Variants in FAM219B observed in about 807,000 individuals in gnomAD.
FAM219B encodes family with sequence similarity 219 member B, also known as protein FAM219B.
Under a neutral mutation model 19.9 loss-of-function variants are expected in FAM219B, and 18 were observed. The observed-to-expected ratio is 0.91, with a 90% CI of 0.63 to 1.34. The LOEUF is 1.34. Ranked by LOEUF, FAM219B falls within the 40% of genes most tolerant of loss-of-function variation. FAM219B has a pLI of 0.00. For synonymous variants in FAM219B, 123 were observed against 117.5 expected (o/e 1.05, Z -0.30); for missense variants, 283 against 270.5 (o/e 1.05, Z -0.32).
At chr15:74,905,005 T>C in intron 3 of FAM219B, 149 bp downstream of exon 3, 1 of 1,547,600 alleles carries the variant, frequency 6.5e-7, no homozygotes, top group Non-Finnish European at 8.7e-7. Flanking sequence ...AACCAAGCCA[T>C]CCTGGGAAGG....
rs2064898710 is a variant in FAM219B at position 74,900,270 on chromosome 15, C to G, written c.*2349G>C. ...CTCACTGCACTGTCCCACCAGGTCC[C>G]TCCAGCTTTTTCTACAAGGTAACAC... On this transcript the variant is annotated 3_prime_UTR_variant, in exon 5 of 5. Transcript: ENST00000357635. 6.6e-6 allele frequency: 1 copy of G among 152,330 alleles called. No homozygotes were observed. Among genetic ancestry groups the G allele is most frequent in the Admixed American group, 6.5e-5 (1 of 15,278 alleles). 9.4% of individuals were successfully genotyped at this position (152,330 alleles called of 1,614,324 possible). A position where few individuals can be genotyped will look rare whatever the true frequency, so the allele number is the denominator to read the frequency against.
intron 2 of FAM219B, 137 bp downstream of exon 2, chr15:74,906,141 T>G (rs2065177821): frequency 1.2e-6 from 1 of 827,716 alleles, no homozygotes; most frequent in South Asian, 1.7e-5. Flanking sequence ...CTCTTCCCAT[T>G]TTAAAGATAG....
Position 74,902,459 on chromosome 15 carries a change from G to A in FAM219B, c.*160C>T. ...ATTCTACCTATCAGCCCACAGCCCA[G>A]ATGGGGGCCTCTGGCCTGAGAAGCA... On this transcript the variant is annotated 3_prime_UTR_variant, in exon 5 of 5. Coordinates refer to ENST00000357635, the MANE Select transcript of FAM219B (RefSeq NM_020447.5). The A allele has an allele frequency of 1.7e-6, 1 of 582,274 alleles. No homozygotes were observed. 36.1% of individuals were successfully genotyped at this position (582,274 alleles called of 1,614,324 possible).
At chr15:74,903,769 GGA>G (rs1318411629) in intron 4 of FAM219B, among the ~76,000 whole-genome samples, 1 of 152,126 alleles carries the variant, frequency 6.6e-6, no homozygotes, top group East Asian at 1.9e-4. Flanking sequence ...AAGATTTCCA[GGA>G]GAGTAAGAAA....
At position 74,901,780 on chromosome 15, in the gene FAM219B, A is replaced by T. The variant is rs2064969205; in HGVS notation, c.*839T>A. 1 of 249,834 alleles carries T rather than the reference A, an allele frequency of 4.0e-6. No homozygotes were observed. Among genetic ancestry groups the T allele is most frequent in the Non-Finnish European group, 7.5e-6 (1 of 132,722 alleles). The allele number at this position is 249,834 out of a possible 1,614,324, so 15.5% of individuals were successfully genotyped here. A position where few individuals can be genotyped will look rare whatever the true frequency, so the allele number is the denominator to read the frequency against. ...TGTAGCTCCCTCTGCTGGTAATAAT[A>T]AAAACTGCAGGCTTCTGGGGCCAGC... On this transcript the variant is annotated 3_prime_UTR_variant, in exon 5 of 5. Transcript: ENST00000357635.
At chr15:74,904,518 G>A in intron 4 of FAM219B, 146 bp downstream of exon 4, 3 of 955,508 alleles carry the variant, frequency 3.1e-6, no homozygotes, top group South Asian at 2.8e-5. Context: ...ACCTCCACCG[G>A]GGGAAGAGGG....
chr15:74,906,462 C>T (rs1053679024), intron 1 of FAM219B, 97 bp from the exon 2 acceptor site: 1 of 1,535,930 alleles, frequency 6.5e-7, no homozygotes, highest in African/African-American at 1.4e-5. Context: ...TTTTGAGGGG[C>T]GAGAGCAGGC....
In FAM219B at chr15:74,902,453, A is replaced by G. The variant is rs2064999951; in HGVS notation, c.*166T>C. 5.6e-6 allele frequency: 3 copies of G among 535,808 alleles called. No individual in the cohort carries two copies. Among genetic ancestry groups the G allele is most frequent in the Non-Finnish European group, 9.0e-6 (3 of 334,872 alleles). 33.2% of individuals were successfully genotyped at this position (535,808 alleles called of 1,614,324 possible). The stretch of plus-strand genomic sequence containing the variant: ...TACAGAATTCTACCTATCAGCCCAC[A>G]GCCCAGATGGGGGCCTCTGGCCTGA... On this transcript the variant is annotated 3_prime_UTR_variant, in exon 5 of 5. Transcript: ENST00000357635.
chr15:74,906,285 C>G lies in FAM219B; in HGVS notation c.295G>C (p.Gly99Arg), dbSNP rs749991755. The G allele has an allele frequency of 6.8e-6, 11 of 1,613,360 alleles. No homozygotes were observed. The South Asian group carries it at 1.2e-4, about 18-fold the overall frequency. The change falls in exon 2 of 5, where the codon GGG (glycine) becomes CGG (arginine). Residue 99 changes from glycine (G) to arginine (R), a missense_variant. By Grantham distance (125) the Gly-to-Arg change is moderately radical. Transcript: ENST00000357635. ...GGTGGCGCCTGCTGAGACCTTTTCCCTGAAGAGTCTGGGCGGTTCGGCGAG... is the reference window on the plus strand; with the variant it reads ...GGTGGCGCCTGCTGAGACCTTTTCCGTGAAGAGTCTGGGCGGTTCGGCGAG... Reference protein sequence around the residue: ...GASPNRPDSSGKRSVKFNKGY... With the variant: ...GASPNRPDSSRKRSVKFNKGY...
chr15:74,898,043 A>C, downstream of FAM219B: 1 of 429,034 alleles, frequency 2.3e-6, no homozygotes, highest in Non-Finnish European at 4.4e-6. Flanking sequence ...GCTGTTAAAT[A>C]TGTGACCCAG....
Position 74,902,753 on chromosome 15 carries a change from G to C in FAM219B, c.463C>G (p.Gln155Glu), listed in dbSNP as rs2065015712. 6.2e-7 allele frequency: 1 copy of C among 1,611,514 alleles called. No individual in the cohort carries two copies. The highest frequency in any genetic ancestry group is 8.5e-7 in the Non-Finnish European group (1 of 1,178,770). Residue 155 changes from glutamine to glutamate, a missense_variant, in exon 5 of 5, where the codon CAG becomes GAG. By Grantham distance (29) the Gln-to-Glu change is conservative. Transcript: ENST00000357635. ...VNQDVSRQLL[Q>E]DGYHLDEIPD... ...ATCTCATCCAGGTGATACCCATCCT[G>C]AAGCAGCTGCCGGCTCACATCCTGG...
chr15:74,905,036 G>C, intron 3 of FAM219B, 118 bp downstream of exon 3: 2 of 1,571,444 alleles, frequency 1.3e-6, no homozygotes, highest in Non-Finnish European at 8.6e-7. Flanking sequence ...AGAAGAGAAC[G>C]GCCCTGGAAT....
rs749991755 is a variant in FAM219B at position 74,906,285 on chromosome 15, C to T, written c.295G>A (p.Gly99Arg). Residue 99 changes from glycine (G) to arginine (R), a missense_variant, in exon 2 of 5, where the codon GGG (glycine) becomes AGG (arginine). Physicochemically the swap from Gly to Arg is moderately radical, Grantham distance 125 (BLOSUM62 -2). Transcript: ENST00000357635. ...GGTGGCGCCTGCTGAGACCTTTTCC[C>T]TGAAGAGTCTGGGCGGTTCGGCGAG... ...GASPNRPDSS[G>R]KRSVKFNKGY... is the part of the protein sequence containing the mutation. 18 of 1,613,360 alleles carry T rather than the reference C, an allele frequency of 1.1e-5. No homozygotes were observed. The highest frequency in any genetic ancestry group is 1.4e-5 in the Non-Finnish European group (17 of 1,179,918).
intron 3 of FAM219B, chr15:74,904,932 G>C (rs551409871): frequency 1.4e-5 from 21 of 1,517,574 alleles, no homozygotes; most frequent in Non-Finnish European, 1.8e-5. Context: ...TAACAGGGCA[G>C]GATGATCCCC....
At chr15:74,903,008 C>G (rs757602126) in intron 4 of FAM219B, among the ~76,000 whole-genome samples, 12 of 152,124 alleles carry the variant, frequency 7.9e-5, no homozygotes, top group Non-Finnish European at 1.5e-4. Flanking sequence ...GTCACTGACC[C>G]CCAGGGATCT....
At chr15:74,906,050 C>G in intron 2 of FAM219B, 1 of 548,142 alleles carries the variant, frequency 1.8e-6, no homozygotes, top group South Asian at 2.2e-5. Context: ...AGTGAATGAG[C>G]CTGTGCACTC....
At chr15:74,904,058 C>T (rs1355725081) in intron 4 of FAM219B, among the ~76,000 whole-genome samples, 1 of 152,124 alleles carries the variant, frequency 6.6e-6, no homozygotes, top group East Asian at 1.9e-4. Flanking sequence ...TGCTGTGTGA[C>T]ACTGGAAAGC....
Position 74,902,721 on chromosome 15 carries a change from A to G in FAM219B, c.495T>C (p.Asp165=), listed in dbSNP as rs1343372376. The change falls in exon 5 of 5, where the codon GAT becomes GAC. Residue 165 remains aspartate, a synonymous_variant. Transcript: ENST00000357635. ...QDGYHLDEIP[D]DEDLDLIPPK... is the part of the protein sequence containing the mutation. The stretch of plus-strand genomic sequence containing the variant: ...GGGGGATGAGGTCCAAGTCCTCGTC[A>G]TCTGGAATCTCATCCAGGTGATACC... 2 of 1,612,882 alleles carry G rather than the reference A, an allele frequency of 1.2e-6. No individual in the cohort carries two copies.
At chr15:74,905,092 A>G (rs770633758) in intron 3 of FAM219B, 62 bp downstream of exon 3, 7 of 1,610,422 alleles carry the variant, frequency 4.3e-6, no homozygotes, top group Non-Finnish European at 5.9e-6. Flanking sequence ...CAAAGGCATC[A>G]GGCGATCTTC....
Sources: gnomAD v4.1 joint callset for allele counts (sites outside exome capture counted in the v4.1 genomes callset) on GRCh38, gnomAD v4.1.1 for gene constraint, MANE v1.5 for transcripts, NCBI Gene and HGNC (gene_info 2026-07-23, HGNC 2026-07-21) for gene names.